The following CEP152 variants were observed in gnomAD, a reference collection of about 807,000 sequenced individuals.
CEP152 encodes the protein centrosomal protein of 152 kDa.
CEP152 carries 132 observed loss-of-function variants against 188.9 expected under a neutral mutation model. The ratio of observed to expected loss-of-function variants is 0.70; its 90% CI spans 0.61 to 0.81. The LOEUF is 0.81. Ranked by LOEUF, CEP152 falls within the 30% of genes least tolerant of loss-of-function variation. The probability of loss-of-function intolerance (pLI) is 0.00; values close to 1 mark genes in which losing one functional copy is unlikely to be tolerated. For synonymous variants in CEP152, 649 were observed against 666.6 expected (o/e 0.97, Z 0.41); for missense variants, 1,914 against 1,969.8 (o/e 0.97, Z 0.54).
chr15:48,770,072 T>C (rs1304305507), intron 13 of CEP152, among the ~76,000 whole-genome samples: 1 of 152,238 alleles, frequency 6.6e-6, no homozygotes, highest in Admixed American at 6.5e-5. Flanking sequence ...CATTTAACTT[T>C]GCATATTTTC....
In CEP152 at chr15:48,771,660, T is replaced by C. The variant is rs553547334; in HGVS notation, c.1782+827A>G. ...GTGCCAAGAGTAACCAGAAAAAACA[T>C]ACAGATGCTTTTCAACTTACAATGG... On this transcript the variant is annotated intron_variant, in intron 13 of 26. Transcript: ENST00000380950. Among the ~76,000 whole-genome samples the C allele has an allele frequency of 1.8e-4, 27 of 152,294 alleles. No homozygotes were observed. The South Asian group carries it at 2.5e-3, about 14-fold the overall frequency.
At chr15:48,765,559 A>C (rs1895001298) in intron 17 of CEP152, 1 of 420,096 alleles carries the variant, frequency 2.4e-6, no homozygotes. Context: ...TTTTATAGTC[A>C]AATTGATTCT....
intron 17 of CEP152, among the ~76,000 whole-genome samples, chr15:48,766,354 G>T (rs1320243964): frequency 6.6e-6 from 1 of 152,174 alleles, no homozygotes; most frequent in Non-Finnish European, 1.5e-5. Flanking sequence ...GTTTGCCGCT[G>T]GTCCAAAGTG....
chr15:48,736,850 GT>G, downstream of CEP152, among the ~76,000 whole-genome samples: 1 of 152,254 alleles, frequency 6.6e-6, no homozygotes, highest in Admixed American at 6.5e-5. Context: ...TAGATTCTAA[GT>G]TTACTAAAAA....
intron 13 of CEP152, among the ~76,000 whole-genome samples, chr15:48,770,908 A>C (rs1176477064): frequency 6.6e-6 from 1 of 152,186 alleles, no homozygotes; most frequent in East Asian, 1.9e-4. Flanking sequence ...TTAGCACAGA[A>C]TATTATACAT....
chr15:48,805,743 A>T (rs1440965901), intron 1 of CEP152, 87 bp from the exon 2 acceptor site: 2 of 1,558,978 alleles, frequency 1.3e-6, no homozygotes, highest in Admixed American at 3.5e-5. Flanking sequence ...TACATACACA[A>T]AGTGAAAAGA....
intron 12 of CEP152, among the ~76,000 whole-genome samples, chr15:48,780,587 T>C (rs1359373928): frequency 6.6e-6 from 1 of 152,204 alleles, no homozygotes; most frequent in African/African-American, 2.4e-5. Context: ...CAAAAATCTT[T>C]TCTTAACCTA....
intron 17 of CEP152, among the ~76,000 whole-genome samples, chr15:48,766,363 T>C (rs1044574063): frequency 1.3e-5 from 2 of 152,154 alleles, no homozygotes; most frequent in African/African-American, 4.8e-5. Flanking sequence ...TGGTCCAAAG[T>C]GTGAAGGACA....
Position 48,797,187 on chromosome 15 carries a change from G to C in CEP152, c.540+114C>G, listed in dbSNP as rs549859651. 11 of 1,220,960 alleles carry C rather than the reference G, an allele frequency of 9.0e-6. No homozygotes were observed. The Admixed American group carries it at 1.5e-4, about 17-fold the overall frequency. The allele number at this position is 1,220,960 out of a possible 1,614,324, so 75.6% of individuals were successfully genotyped here. A position where few individuals can be genotyped will look rare whatever the true frequency, so the allele number is the denominator to read the frequency against. On this transcript the variant is annotated intron_variant, in intron 5 of 26. Coordinates refer to ENST00000380950, the MANE Select transcript of CEP152 (RefSeq NM_001194998.2). ...TGAATAAGTGCCCTCTCAGAACTTC[G>C]TGTGGTTAAATCATCTTACCATTGT... is the stretch of plus-strand genomic sequence containing the variant.
chr15:48,772,483 A>C lies in CEP152; in HGVS notation c.1782+4T>G, dbSNP rs1406499935. 1 of 1,609,816 alleles carries C rather than the reference A, an allele frequency of 6.2e-7. No individual in the cohort carries two copies. Among genetic ancestry groups the C allele is most frequent in the African/African-American group, 1.3e-5 (1 of 74,836 alleles). Reference sequence around the variant, plus strand: ...GGTTTTTTAACTCTATAGGCTTTACATACCTCAACCTCAATGCTTTTTTCA... The same window carrying C: ...GGTTTTTTAACTCTATAGGCTTTACCTACCTCAACCTCAATGCTTTTTTCA... On this transcript the variant is annotated splice_donor_region_variant and intron_variant, in intron 13 of 26. Transcript: ENST00000380950.
rs202237336 is a variant in CEP152, at chr15:48,738,625, C to T, written c.4757G>A (p.Arg1586His). 1.8e-5 allele frequency: 29 copies of T among 1,614,144 alleles called. No individual in the cohort carries two copies. Among genetic ancestry groups the T allele is most frequent in the South Asian group, 1.6e-4 (15 of 91,086 alleles). The stretch of plus-strand genomic sequence containing the variant: ...CCTACCATGTACAAATGATGCTTCA[C>T]GACTGTCAAAGGATAAGGTTGCACT... ...SSSATLSFDS[R>H]EASFVHGRPQ... Residue 1586 changes from arginine (R) to histidine (H), a missense_variant, in exon 27 of 27, where the codon CGT becomes CAT. Physicochemically the swap from Arg to His is conservative, Grantham distance 29. Coordinates refer to ENST00000380950, the MANE Select transcript of CEP152 (RefSeq NM_001194998.2).
rs1362538749 is a variant in CEP152 at position 48,760,234 on chromosome 15, T to A, written c.2595A>T (p.Arg865=). ...VEIAVQNAHQ[R]WLGELPELAE... The stretch of plus-strand genomic sequence containing the variant: ...CCAGCTCTGGTAGTTCTCCCAGCCA[T>A]CGCTGATGAGCATTTTGCACAGCTA... Residue 865 remains arginine, a synonymous_variant, in exon 19 of 27, where the codon CGA becomes CGT. Transcript: ENST00000380950. The A allele has an allele frequency of 6.2e-7, 1 of 1,613,962 alleles. No homozygotes were observed. The highest frequency in any genetic ancestry group is 2.2e-5 in the East Asian group (1 of 44,878).
intron 1 of CEP152, among the ~76,000 whole-genome samples, chr15:48,809,022 C>T (rs1248099692): frequency 1.3e-5 from 2 of 152,194 alleles, no homozygotes; most frequent in Admixed American, 1.3e-4. Context: ...CAGATGGATG[C>T]TCTGACCCAG....
At chr15:48,786,424 C>T (rs1049076592) in intron 9 of CEP152, among the ~76,000 whole-genome samples, 6 of 151,930 alleles carry the variant, frequency 3.9e-5, no homozygotes, top group African/African-American at 1.5e-4. Flanking sequence ...TGAGTGCATA[C>T]AATCTTTTCT....
intron 26 of CEP152, chr15:48,740,615 CTTTTTTTTTTTTTTTTTT>C (rs1225249199): frequency 1.5e-5 from 1 of 68,848 alleles, no homozygotes; most frequent in African/African-American, 7.0e-5. Context: ...GTTACTCTTA[CTTTTTTTTTTTTTTTTTT>C]TTTTTTTTTT....
Position 48,748,438 on chromosome 15 carries a change from C to G in CEP152, c.3634+5G>C. ...ATTGGTAGCAGTGCTACTTTAAATG[C>G]TAACCTCCAATTTTTTCCACTACAG... On this transcript the variant is annotated splice_donor_5th_base_variant and intron_variant, in intron 22 of 26. Transcript: ENST00000380950. 2 of 1,526,182 alleles carry G rather than the reference C, an allele frequency of 1.3e-6. No homozygotes were observed. The highest frequency in any genetic ancestry group is 2.4e-5 in the South Asian group (2 of 81,836). The allele number at this position is 1,526,182 out of a possible 1,614,324, so 94.5% of individuals were successfully genotyped here.
Position 48,767,990 on chromosome 15 carries a change from A to G in CEP152, c.2018+229T>C, listed in dbSNP as rs1470495037. On this transcript the variant is annotated intron_variant, in intron 15 of 26. Coordinates refer to ENST00000380950, the MANE Select transcript of CEP152 (RefSeq NM_001194998.2). ...TTAACCTATAATATTTCAGTGAACT[A>G]CAGTTTCAATGATACTATAGAACCC... 3.3e-5 allele frequency among the ~76,000 whole-genome samples: 5 copies of G among 152,216 alleles called. No individual in the cohort carries two copies. In the East Asian group the frequency reaches 5.8e-4, roughly 18 times the overall value.
chr15:48,788,815 C>A lies in CEP152; in HGVS notation c.1159G>T (p.Ala387Ser), dbSNP rs763467300. The A allele has an allele frequency of 1.2e-6, 2 of 1,614,082 alleles. No homozygotes were observed. Reference protein sequence around the residue: ...LQKNLDATVTALKEQEDICSR... With the variant: ...LQKNLDATVTSLKEQEDICSR... ...ATCATCCCAACCTGTTCTTTAAGTG[C>A]GGTGACTGTGGCATCCAAATTCTTT... Residue 387 changes from alanine to serine, a missense_variant, in exon 9 of 27, where the codon GCA (alanine) becomes TCA (serine). Coordinates refer to ENST00000380950, the MANE Select transcript of CEP152 (RefSeq NM_001194998.2).
intron 6 of CEP152, among the ~76,000 whole-genome samples, chr15:48,794,734 AAGG>A (rs377707698): frequency 2.0e-5 from 3 of 152,320 alleles, no homozygotes; most frequent in Non-Finnish European, 4.4e-5. Flanking sequence ...AGTAAACACT[AAGG>A]AGATGTCAGG....
Sources: allele counts gnomAD v4.1 joint callset (sites outside exome capture counted in the v4.1 genomes callset), GRCh38; gene constraint gnomAD v4.1.1; transcripts MANE v1.5; gene names NCBI Gene and HGNC (gene_info 2026-07-23, HGNC 2026-07-21).